The following NSD1 variants were observed in gnomAD, a reference collection of about 807,000 sequenced individuals.
NSD1 encodes the protein histone-lysine N-methyltransferase, H3 lysine-36 specific.
Under a neutral mutation model 242.7 loss-of-function variants are expected in NSD1, and 26 were observed. That is an observed-to-expected ratio of 0.11 (90% CI 0.08 to 0.15). NSD1 has a LOEUF of 0.15. Ranked by LOEUF, NSD1 falls within the 10% of genes least tolerant of loss-of-function variation. The pLI is 1.00. For synonymous variants in NSD1, 1,106 were observed against 1,178.1 expected (o/e 0.94, Z 1.25); for missense variants, 2,495 against 3,272.8 (o/e 0.76, Z 5.80).
intron 3 of NSD1, among the ~76,000 whole-genome samples, chr5:177,198,900 C>T (rs1177872026): frequency 6.6e-6 from 1 of 152,212 alleles, no homozygotes; most frequent in East Asian, 1.9e-4. Flanking sequence ...TTAGCTTCCT[C>T]TGTCTCCATC....
chr5:177,163,656 C>G (rs1245788121), intron 2 of NSD1, among the ~76,000 whole-genome samples: 1 of 152,130 alleles, frequency 6.6e-6, no homozygotes, highest in African/African-American at 2.4e-5. Context: ...CCATAATTCT[C>G]TTAGTTAATA....
intron 2 of NSD1, among the ~76,000 whole-genome samples, chr5:177,171,753 G>C (rs1213887206): frequency 6.6e-6 from 1 of 152,208 alleles, no homozygotes; most frequent in African/African-American, 2.4e-5. Context: ...GCATAATGCT[G>C]TCAAGGTTTT....
At chr5:177,255,811 C>T (rs75665066) in intron 12 of NSD1, among the ~76,000 whole-genome samples, 7,404 of 152,158 alleles carry the variant, frequency 0.049, 201 homozygotes, top group South Asian at 0.082. Context: ...GCTTAAATTC[C>T]TGGCCTCCAG....
In NSD1 at chr5:177,299,494, T is replaced by G. The variant is rs765171233; in HGVS notation, c.*4035T>G. 4 of 233,180 alleles carry G rather than the reference T, an allele frequency of 1.7e-5. No individual in the cohort carries two copies. Among genetic ancestry groups the G allele is most frequent in the Non-Finnish European group, 3.4e-5 (4 of 118,078 alleles). The allele number at this position is 233,180 out of a possible 1,614,324, so 14.4% of individuals were successfully genotyped here. On this transcript the variant is annotated 3_prime_UTR_variant, in exon 23 of 23. Coordinates refer to ENST00000439151, the MANE Select transcript of NSD1 (RefSeq NM_022455.5). ...TGCCTGGAGCAGGTTGTTAGAGAGC[T>G]CTGGTTGTTGGGTCTTCCTCAGCTC... is the stretch of plus-strand genomic sequence containing the variant.
In NSD1 at chr5:177,300,057, G is replaced by GCCCCACCCC. The variant is rs1354650646; in HGVS notation, c.*4602_*4603insACCCCCCCC. 8 of 129,928 alleles carry GCCCCACCCC rather than the reference G, an allele frequency of 6.2e-5. No individual in the cohort carries two copies. Among genetic ancestry groups the GCCCCACCCC allele is most frequent in the African/African-American group, 2.5e-4 (6 of 23,956 alleles). 8.0% of individuals were successfully genotyped at this position (129,928 alleles called of 1,614,324 possible). A position where few individuals can be genotyped will look rare whatever the true frequency, so the allele number is the denominator to read the frequency against. ...AGGTCCATCATTGCTTTTTTGCCGC[G>GCCCCACCCC]CCCCCCCCCCCCCGCCCCCATAGAT... On this transcript the variant is annotated 3_prime_UTR_variant, in exon 23 of 23. Transcript: ENST00000439151.
chr5:177,272,246 C>T lies in NSD1; in HGVS notation c.5510-1426C>T, dbSNP rs914312404. Among the ~76,000 whole-genome samples, 5 of 151,922 alleles carry T rather than the reference C, an allele frequency of 3.3e-5. No individual in the cohort carries two copies. In the East Asian group the frequency reaches 9.7e-4, roughly 29 times the overall value. On this transcript the variant is annotated intron_variant, in intron 16 of 22. Transcript: ENST00000439151. ...ATTGGATAGATGTTAAGGAGGTAGA[C>T]TAGGACATGCTGAATAATGTTCTAG... is the stretch of plus-strand genomic sequence containing the variant.
intron 8 of NSD1, among the ~76,000 whole-genome samples, chr5:177,240,773 G>A (rs746882666): frequency 8.5e-5 from 13 of 152,134 alleles, no homozygotes; most frequent in East Asian, 3.8e-4. Flanking sequence ...TAGGGAACCC[G>A]AGGCAGTAGG....
intron 2 of NSD1, among the ~76,000 whole-genome samples, chr5:177,173,987 G>A (rs781201933): frequency 6.6e-6 from 1 of 152,170 alleles, no homozygotes; most frequent in Non-Finnish European, 1.5e-5. Context: ...TTTGGTTAGT[G>A]GGAAGGATAT....
chr5:177,196,292 G>A (rs1762097659), intron 3 of NSD1, among the ~76,000 whole-genome samples: 1 of 152,190 alleles, frequency 6.6e-6, no homozygotes, highest in Non-Finnish European at 1.5e-5. Context: ...GTGTTTAGCA[G>A]GAGCCGCCAT....
At chr5:177,158,963 C>T (rs965430464) in intron 2 of NSD1, among the ~76,000 whole-genome samples, 12 of 132,700 alleles carry the variant, frequency 9.0e-5, no homozygotes, top group Non-Finnish European at 1.5e-4. Context: ...TATATATATA[C>T]ACACACATAT....
intron 12 of NSD1, among the ~76,000 whole-genome samples, chr5:177,253,772 A>C (rs1051497815): frequency 1.3e-5 from 2 of 152,132 alleles, no homozygotes; most frequent in African/African-American, 4.8e-5. Flanking sequence ...AGCTGGGACT[A>C]CAGGTGCTTG....
chr5:177,191,260 G>T (rs1761676276), intron 2 of NSD1, among the ~76,000 whole-genome samples: 1 of 152,164 alleles, frequency 6.6e-6, no homozygotes, highest in Non-Finnish European at 1.5e-5. Flanking sequence ...ATGAGCCACT[G>T]TGCCCAGCCA....
At chr5:177,147,759 T>C (rs1288654986) in intron 2 of NSD1, among the ~76,000 whole-genome samples, 1 of 151,984 alleles carries the variant, frequency 6.6e-6, no homozygotes, top group Non-Finnish European at 1.5e-5. Context: ...CCAGCTAATT[T>C]TTGTATTTTT....
chr5:177,279,610 A>ATTTTTTTT (rs536478404), intron 17 of NSD1, among the ~76,000 whole-genome samples: 19 of 95,430 alleles, frequency 2.0e-4, no homozygotes, highest in African/African-American at 4.6e-4. Flanking sequence ...AGCTTTGAAA[A>ATTTTTTTT]TTTTTTTTTT....
At chr5:177,282,071 G>A (rs1360485866) in intron 18 of NSD1, among the ~76,000 whole-genome samples, 1 of 152,210 alleles carries the variant, frequency 6.6e-6, no homozygotes, top group Non-Finnish European at 1.5e-5. Flanking sequence ...GAATAGGGAG[G>A]ATGGTACTTT....
chr5:177,150,399 G>A (rs890472852), intron 2 of NSD1, among the ~76,000 whole-genome samples: 2 of 152,126 alleles, frequency 1.3e-5, no homozygotes, highest in East Asian at 1.9e-4. Context: ...CAAAGTGCTG[G>A]GATTACAGTC....
In NSD1 at chr5:177,300,054, C is replaced by T. The variant is rs1464290989; in HGVS notation, c.*4595C>T. 6.0e-5 allele frequency: 9 copies of T among 150,010 alleles called. No individual in the cohort carries two copies. The highest frequency in any genetic ancestry group is 5.0e-4 in the Admixed American group (5 of 10,066). 9.3% of individuals were successfully genotyped at this position (150,010 alleles called of 1,614,324 possible). On this transcript the variant is annotated 3_prime_UTR_variant, in exon 23 of 23. Transcript: ENST00000439151. ...CCAAGGTCCATCATTGCTTTTTTGCCGCGCCCCCCCCCCCCCGCCCCCATA... is the reference window on the plus strand; with the variant it reads ...CCAAGGTCCATCATTGCTTTTTTGCTGCGCCCCCCCCCCCCCGCCCCCATA...
chr5:177,229,274 A>G lies in NSD1; in HGVS notation c.3797-6547A>G, dbSNP rs1185005150. ...TCTACGGCTATTGCTATACTCATCC[A>G]GTATTTGTCATTTATCTCTTTCTTC... On this transcript the variant is annotated intron_variant, in intron 5 of 22. Coordinates refer to ENST00000439151, the MANE Select transcript of NSD1 (RefSeq NM_022455.5). Among the ~76,000 whole-genome samples the G allele has an allele frequency of 3.9e-5, 6 of 152,248 alleles. No homozygotes were observed. In the East Asian group the frequency reaches 1.2e-3, roughly 29 times the overall value.
intron 3 of NSD1, among the ~76,000 whole-genome samples, chr5:177,195,960 C>A (rs937380657): frequency 5.9e-5 from 9 of 152,128 alleles, no homozygotes; most frequent in Non-Finnish European, 8.8e-5. Context: ...TAATCAAATG[C>A]ATTATTACTT....
Sources: allele counts gnomAD v4.1 joint callset (sites outside exome capture counted in the v4.1 genomes callset), GRCh38; gene constraint gnomAD v4.1.1; transcripts MANE v1.5; gene names NCBI Gene and HGNC (gene_info 2026-07-23, HGNC 2026-07-21).